CLVS1: variants seen among roughly 807,000 people sequenced by gnomAD.
The protein encoded by CLVS1 is clavesin-1.
A neutral mutation model predicts 33.1 loss-of-function variants in CLVS1; 10 were observed. The observed-to-expected ratio is 0.30, with a 90% CI of 0.19 to 0.51. The LOEUF (loss-of-function observed/expected upper bound fraction) is 0.51, where lower values mean the gene tolerates loss of function less well. CLVS1 is among the 20% of genes least tolerant of loss of function. The pLI is 0.97. For missense variants in CLVS1, 343 were observed against 433.4 expected (o/e 0.79, Z 1.85); for synonymous variants, 163 against 166.1 (o/e 0.98, Z 0.14).
intron 2 of CLVS1, among the ~76,000 whole-genome samples, chr8:61,193,268 G>T (rs192055344): frequency 6.6e-6 from 1 of 152,146 alleles, no homozygotes; most frequent in East Asian, 1.9e-4. Context: ...ACTGTCACAC[G>T]GACAAAAATC....
rs558723371 is a variant in CLVS1, at chr8:61,099,467, G to A, written c.-242-32303G>A. Reference sequence around the variant, plus strand: ...TATGACAGTCATTGGCTGGATTTAAGTAATTGTAAGGTGAATAAGATGTAA... The same window carrying A: ...TATGACAGTCATTGGCTGGATTTAAATAATTGTAAGGTGAATAAGATGTAA... On this transcript the variant is annotated intron_variant, in intron 1 of 2. Coordinates refer to the CLVS1 transcript ENST00000522621. 7.2e-5 allele frequency among the ~76,000 whole-genome samples: 11 copies of A among 152,236 alleles called. No individual in the cohort carries two copies. In the South Asian group the frequency reaches 2.1e-3, roughly 29 times the overall value.
chr8:61,325,578 C>T (rs1811353433), intron 2 of CLVS1, among the ~76,000 whole-genome samples: 1 of 152,152 alleles, frequency 6.6e-6, no homozygotes, highest in African/African-American at 2.4e-5. Context: ...AGATAGACTT[C>T]TCTGTATTTT....
chr8:61,201,232 C>A (rs1252643816), intron 2 of CLVS1, among the ~76,000 whole-genome samples: 1 of 152,104 alleles, frequency 6.6e-6, no homozygotes, highest in Non-Finnish European at 1.5e-5. Flanking sequence ...ATAAGATAAT[C>A]ATGATGGGTT....
chr8:61,265,956 C>A (rs1305396641), intron 2 of CLVS1, among the ~76,000 whole-genome samples: 1 of 152,184 alleles, frequency 6.6e-6, no homozygotes, highest in Non-Finnish European at 1.5e-5. Flanking sequence ...CCAGCCATTG[C>A]CTGCCATTGT....
intron 1 of CLVS1, among the ~76,000 whole-genome samples, chr8:61,289,679 C>T (rs1035072777): frequency 6.6e-6 from 1 of 152,202 alleles, no homozygotes; most frequent in African/African-American, 2.4e-5. Context: ...TATTCTGCCT[C>T]TTAAAGACAT....
At position 61,296,133 on chromosome 8, in the gene CLVS1, T is replaced by C. The variant is rs1422292696; in HGVS notation, c.-151-3544T>C. The stretch of plus-strand genomic sequence containing the variant: ...GTGCCTTAAATATTATCAATTGAAG[T>C]TGTTATTTAAGTAGCAGTCTATTCA... On this transcript the variant is annotated intron_variant, in intron 1 of 5. Coordinates refer to ENST00000325897, the MANE Select transcript of CLVS1 (RefSeq NM_173519.3). Among the ~76,000 whole-genome samples, 3 of 152,084 alleles carry C rather than the reference T, an allele frequency of 2.0e-5. No individual in the cohort carries two copies. The East Asian group carries it at 5.8e-4, about 29-fold the overall frequency.
At chr8:61,355,215 A>T (rs1812642146) in intron 2 of CLVS1, among the ~76,000 whole-genome samples, 1 of 152,108 alleles carries the variant, frequency 6.6e-6, no homozygotes, top group Admixed American at 6.6e-5. Flanking sequence ...TCTAGAAAAC[A>T]ATCTTCCAGA....
chr8:61,433,764 A>G (rs2129605664), intron 3 of CLVS1, among the ~76,000 whole-genome samples: 1 of 152,116 alleles, frequency 6.6e-6, no homozygotes, highest in Non-Finnish European at 1.5e-5. Flanking sequence ...AAATACAAAA[A>G]TTAGCCAGGT....
the CLVS1 span, among the ~76,000 whole-genome samples, chr8:61,024,392 A>G: frequency 6.6e-5 from 10 of 152,316 alleles, no homozygotes; most frequent in Admixed American, 5.9e-4. Context: ...CTATTCCCTA[A>G]TTCAAACCTC....
intron 1 of CLVS1, among the ~76,000 whole-genome samples, chr8:61,068,738 C>T (rs1449584486): frequency 6.6e-6 from 1 of 152,164 alleles, no homozygotes; most frequent in Non-Finnish European, 1.5e-5. Flanking sequence ...GGCCTCCTTG[C>T]CACACTTTCT....
chr8:61,365,068 A>G (rs1212022221), intron 2 of CLVS1, among the ~76,000 whole-genome samples: 1 of 152,202 alleles, frequency 6.6e-6, no homozygotes, highest in East Asian at 1.9e-4. Context: ...AAATCATTCA[A>G]AGCAATGTAG....
At chr8:61,257,451 G>T (rs1210704743) in intron 2 of CLVS1, among the ~76,000 whole-genome samples, 5 of 152,128 alleles carry the variant, frequency 3.3e-5, no homozygotes, top group Non-Finnish European at 7.4e-5. Flanking sequence ...ACTTGAAAAG[G>T]CTAGGTGAAT....
chr8:61,227,996 G>A (rs746921412), intron 2 of CLVS1, among the ~76,000 whole-genome samples: 6 of 152,196 alleles, frequency 3.9e-5, no homozygotes, highest in African/African-American at 1.4e-4. Flanking sequence ...TACCGGAAGT[G>A]ATGTGAAGAC....
At chr8:61,397,189 C>T (rs1168254107) in intron 3 of CLVS1, among the ~76,000 whole-genome samples, 3 of 152,042 alleles carry the variant, frequency 2.0e-5, no homozygotes, top group Non-Finnish European at 4.4e-5. Context: ...TACATCTTTG[C>T]CAGCCCTGGT....
At chr8:61,385,813 A>G (rs1241761151) in intron 3 of CLVS1, among the ~76,000 whole-genome samples, 1 of 152,066 alleles carries the variant, frequency 6.6e-6, no homozygotes, top group African/African-American at 2.4e-5. Context: ...GAGTGAGGGG[A>G]TTGAGGGGTG....
intron 3 of CLVS1, among the ~76,000 whole-genome samples, chr8:61,434,692 C>T (rs928177736): frequency 6.6e-6 from 1 of 152,124 alleles, no homozygotes; most frequent in African/African-American, 2.4e-5. Flanking sequence ...GAAAGGAATG[C>T]TCAGGCTAAG....
intron 3 of CLVS1, among the ~76,000 whole-genome samples, chr8:61,419,985 C>T (rs555832860): frequency 2.6e-5 from 4 of 152,172 alleles, no homozygotes; most frequent in Admixed American, 2.0e-4. Flanking sequence ...GAGCAAGTAA[C>T]CTACCTGTTA....
At chr8:61,386,458 T>C (rs1471470052) in intron 3 of CLVS1, among the ~76,000 whole-genome samples, 1 of 152,204 alleles carries the variant, frequency 6.6e-6, no homozygotes, top group Admixed American at 6.5e-5. Flanking sequence ...ACAATTAGAA[T>C]GCAGTATTGA....
At chr8:61,474,383 G>A (rs1005399770) in intron 5 of CLVS1, among the ~76,000 whole-genome samples, 12 of 152,160 alleles carry the variant, frequency 7.9e-5, no homozygotes, top group African/African-American at 1.7e-4. Context: ...AAGATGCAGC[G>A]GGCTCAGAAG....
Sources: allele counts gnomAD v4.1 joint callset (sites outside exome capture counted in the v4.1 genomes callset), GRCh38; gene constraint gnomAD v4.1.1; transcripts MANE v1.5; gene names NCBI Gene and HGNC (gene_info 2026-07-23, HGNC 2026-07-21).